Variants in ABHD3 observed in about 807,000 individuals in gnomAD.
The protein encoded by ABHD3 is abhydrolase domain containing 3, phospholipase, also known as phospholipase ABHD3.
In ABHD3, 46 loss-of-function variants were observed where a neutral mutation model predicts 48.8. The ratio of observed to expected loss-of-function variants is 0.94; its 90% CI spans 0.74 to 1.20. The LOEUF (loss-of-function observed/expected upper bound fraction) is 1.20. Ranked by LOEUF, ABHD3 falls within the 50% of genes most tolerant of loss-of-function variation. ABHD3 has a pLI of 0.00. For synonymous variants in ABHD3, 192 were observed against 183.7 expected, an observed-to-expected ratio of 1.04 and a Z score of -0.36; for missense variants, 490 against 497.8, an observed-to-expected ratio of 0.98 and a Z score of 0.15.
Position 21,651,484 on chromosome 18 carries a change from C to T in ABHD3, c.*107G>A. 1.5e-6 allele frequency: 2 copies of T among 1,307,366 alleles called. No individual in the cohort carries two copies. Among genetic ancestry groups the T allele is most frequent in the African/African-American group, 1.5e-5 (1 of 66,858 alleles). The allele number at this position is 1,307,366 out of a possible 1,614,324, so 81.0% of individuals were successfully genotyped here. A position where few individuals can be genotyped will look rare whatever the true frequency, so the allele number is the denominator to read the frequency against. On this transcript the variant is annotated 3_prime_UTR_variant, in exon 9 of 9. Coordinates refer to ENST00000289119, the MANE Select transcript of ABHD3 (RefSeq NM_138340.5). ...TGCATATCATTCTGGACCTCTTCACCCATCTGCTGGCTTATTTGCTTTATA... is the reference window on the plus strand; with the variant it reads ...TGCATATCATTCTGGACCTCTTCACTCATCTGCTGGCTTATTTGCTTTATA...
chr18:21,663,863 G>A, intron 5 of ABHD3: 2 of 1,491,226 alleles, frequency 1.3e-6, no homozygotes, highest in South Asian at 1.3e-5. Flanking sequence ...TCGACTTCAT[G>A]GGCTTCAGAC....
chr18:21,686,464 C>T (rs2040130921), intron 3 of ABHD3, among the ~76,000 whole-genome samples: 3 of 152,272 alleles, frequency 2.0e-5, no homozygotes, highest in East Asian at 1.9e-4. Flanking sequence ...ACACTAGTGA[C>T]GGGAAAGAAA....
At chr18:21,700,613 T>C (rs2040485378) in intron 3 of ABHD3, among the ~76,000 whole-genome samples, 1 of 150,872 alleles carries the variant, frequency 6.6e-6, no homozygotes, top group African/African-American at 2.4e-5. Flanking sequence ...TTGGCCAAGT[T>C]GGTCTTGAAC....
chr18:21,704,634 A>G lies in ABHD3; in HGVS notation c.32T>C (p.Leu11Ser). The change falls in exon 1 of 9, where the codon TTG (leucine) becomes TCG (serine). Residue 11 changes from leucine to serine, a missense_variant. Transcript: ENST00000289119. ...CAGGTAGAGGGAGAGCTCCCGGGAC[A>G]ACATCCGCAGGTCCATGGCCAGGCG... MQRLAMDLRM[L>S]SRELSLYLEH... is the part of the protein sequence containing the mutation. The G allele has an allele frequency of 6.5e-7, 1 of 1,546,944 alleles. No homozygotes were observed. The highest frequency in any genetic ancestry group is 1.2e-5 in the South Asian group (1 of 83,306).
chr18:21,670,737 G>A (rs1369633714), intron 4 of ABHD3, among the ~76,000 whole-genome samples: 1 of 152,152 alleles, frequency 6.6e-6, no homozygotes, highest in Non-Finnish European at 1.5e-5. Flanking sequence ...CAAGAAGGCT[G>A]GGCATGGTAG....
chr18:21,674,169 G>T, intron 4 of ABHD3, among the ~76,000 whole-genome samples: 1 of 151,880 alleles, frequency 6.6e-6, no homozygotes. Flanking sequence ...TATTAAGCAT[G>T]ATACCTAGCT....
chr18:21,664,894 C>T (rs2039586790), intron 4 of ABHD3, among the ~76,000 whole-genome samples: 1 of 152,184 alleles, frequency 6.6e-6, no homozygotes, highest in African/African-American at 2.4e-5. Context: ...TTTGGCCCCC[C>T]AACGTGTTGG....
chr18:21,671,680 G>C (rs2039760742), intron 4 of ABHD3, among the ~76,000 whole-genome samples: 1 of 152,142 alleles, frequency 6.6e-6, no homozygotes, highest in Non-Finnish European at 1.5e-5. Context: ...ATCACTTCCA[G>C]CAGATATTTG....
At chr18:21,656,806 A>T (rs1363590430) in intron 8 of ABHD3, 55 bp downstream of exon 8, 1 of 1,424,614 alleles carries the variant, frequency 7.0e-7, no homozygotes, top group Non-Finnish European at 9.4e-7. Context: ...CTTAAAAATA[A>T]CAATATATTA....
chr18:21,686,136 C>T (rs555932290), intron 3 of ABHD3, among the ~76,000 whole-genome samples: 3 of 152,336 alleles, frequency 2.0e-5, no homozygotes, highest in South Asian at 4.1e-4. Flanking sequence ...AGCCACTGTG[C>T]CTGGCCAGAG....
chr18:21,683,934 C>T lies in ABHD3; in HGVS notation c.541G>A (p.Gly181Arg). The T allele has an allele frequency of 6.3e-7, 1 of 1,596,412 alleles. No individual in the cohort carries two copies. Among genetic ancestry groups the T allele is most frequent in the Non-Finnish European group, 8.5e-7 (1 of 1,170,602 alleles). Residue 181 changes from glycine to arginine, a missense_variant, in exon 4 of 9, where the codon GGG becomes AGG. By Grantham distance (125) the Gly-to-Arg change is moderately radical (BLOSUM62 -2). Coordinates refer to ENST00000289119, the MANE Select transcript of ABHD3 (RefSeq NM_138340.5). ...CVVFNNRGVAGENLLTPRTYC... is the reference protein window; with the variant it reads ...CVVFNNRGVARENLLTPRTYC... ...AATTTACTTACCAAGAGATTCTCCC[C>T]CGCCACTCCTCTGTTGTTAAAAACC...
chr18:21,680,085 C>T (rs1163171138), intron 4 of ABHD3, among the ~76,000 whole-genome samples: 1 of 152,136 alleles, frequency 6.6e-6, no homozygotes, highest in African/African-American at 2.4e-5. Flanking sequence ...GCCATCTTGG[C>T]TCACTGCAAC....
In ABHD3 at chr18:21,683,607, A is replaced by G. The variant is rs147020262; in HGVS notation, c.555+313T>C. Reference sequence around the variant, plus strand: ...AAAAAAATGATGTAGGTGAATAACTATCGATGTTAAAATGTAGTAAGTACA... The same window carrying G: ...AAAAAAATGATGTAGGTGAATAACTGTCGATGTTAAAATGTAGTAAGTACA... On this transcript the variant is annotated intron_variant, in intron 4 of 8. Coordinates refer to ENST00000289119, the MANE Select transcript of ABHD3 (RefSeq NM_138340.5). 250 of 470,526 alleles carry G rather than the reference A, an allele frequency of 5.3e-4. 1 individual carries two copies. The highest frequency in any genetic ancestry group is 8.6e-4 in the Non-Finnish European group (200 of 231,920). 29.1% of individuals were successfully genotyped at this position (470,526 alleles called of 1,614,324 possible). A position where few individuals can be genotyped will look rare whatever the true frequency, so the allele number is the denominator to read the frequency against.
intron 4 of ABHD3, 43 bp from the exon 5 acceptor site, chr18:21,664,273 G>T (rs1449802688): frequency 6.4e-7 from 1 of 1,573,188 alleles, no homozygotes; most frequent in Non-Finnish European, 8.7e-7. Context: ...ACAATGTGAG[G>T]TTAATGATTT....
At chr18:21,652,734 C>T (rs1449553571) in intron 8 of ABHD3, among the ~76,000 whole-genome samples, 2 of 150,260 alleles carry the variant, frequency 1.3e-5, no homozygotes, top group African/African-American at 4.9e-5. Context: ...GAGATCACAC[C>T]TTTGTACTCT....
At chr18:21,696,429 G>A (rs752583901) in intron 3 of ABHD3, among the ~76,000 whole-genome samples, 11 of 151,952 alleles carry the variant, frequency 7.2e-5, no homozygotes, top group Non-Finnish European at 1.2e-4. Flanking sequence ...GATTACAGGC[G>A]TGAGCCACCG....
chr18:21,656,516 G>A (rs1185938223), intron 8 of ABHD3, among the ~76,000 whole-genome samples: 1 of 152,154 alleles, frequency 6.6e-6, no homozygotes, highest in Non-Finnish European at 1.5e-5. Flanking sequence ...CTTCTTTATA[G>A]GAATCTCAGG....
chr18:21,698,356 T>G (rs1056981721), intron 3 of ABHD3, among the ~76,000 whole-genome samples: 2 of 151,332 alleles, frequency 1.3e-5, no homozygotes, highest in African/African-American at 4.9e-5. Flanking sequence ...CAGCTAAGTT[T>G]TTGTAGTTTT....
In ABHD3 at chr18:21,651,609, A is replaced by G; in HGVS notation, c.1212T>C (p.His404=). The G allele has an allele frequency of 1.9e-6, 3 of 1,614,198 alleles. No homozygotes were observed. Among genetic ancestry groups the G allele is most frequent in the Non-Finnish European group, 2.5e-6 (3 of 1,180,032 alleles). Residue 404 remains histidine, a synonymous_variant, in exon 9 of 9, where the codon CAT becomes CAC. Transcript: ENST00000289119. ...FKQFVQAMVE[H]GHELS ...CTACATGTTAAGAGAGTTCATGTCC[A>G]TGCTCAACCATGGCTTGCACAAATT...
Sources: gnomAD v4.1 joint callset for allele counts (sites outside exome capture counted in the v4.1 genomes callset) on GRCh38, gnomAD v4.1.1 for gene constraint, MANE v1.5 for transcripts, NCBI Gene and HGNC (gene_info 2026-07-23, HGNC 2026-07-21) for gene names.